The following COL4A3 variants were observed in gnomAD, a reference collection of about 807,000 sequenced individuals.
COL4A3 encodes collagen type IV alpha 3 chain.
COL4A3 carries 135 observed loss-of-function variants against 217.4 expected under a neutral mutation model. That is an observed-to-expected ratio of 0.62 (90% confidence interval 0.54 to 0.72). The LOEUF (loss-of-function observed/expected upper bound fraction) is 0.72, where lower values mean the gene tolerates loss of function less well. COL4A3 is among the 30% of genes least tolerant of loss of function. The pLI, the probability that COL4A3 is intolerant of heterozygous loss-of-function variation, is 0.00. For missense variants in COL4A3, 1,868 were observed against 2,119.9 expected, an observed-to-expected ratio of 0.88 and a Z score of 2.33; for synonymous variants, 690 against 736.3, an observed-to-expected ratio of 0.94 and a Z score of 1.02.
chr2:227,195,973 T>G (rs1454100858), intron 1 of COL4A3, among the ~76,000 whole-genome samples: 2 of 152,008 alleles, frequency 1.3e-5, no homozygotes, highest in African/African-American at 2.4e-5. Flanking sequence ...AAAAAGCTTA[T>G]AGAATAAGGA....
intron 36 of COL4A3, 86 bp downstream of exon 36, chr2:227,290,174 T>C (rs2072598548): frequency 2.3e-6 from 3 of 1,310,954 alleles, no homozygotes; most frequent in African/African-American, 2.9e-5. Context: ...GTTTTGGTTT[T>C]CCACTTGGTA....
chr2:227,199,247 C>T (rs370190764), intron 1 of COL4A3, among the ~76,000 whole-genome samples: 4 of 152,232 alleles, frequency 2.6e-5, no homozygotes, highest in African/African-American at 9.6e-5. Flanking sequence ...GTAATTGCAA[C>T]CTCAGTAGTT....
chr2:227,308,005 T>G, intron 48 of COL4A3, 86 bp downstream of exon 48: 1 of 1,161,408 alleles, frequency 8.6e-7, no homozygotes, highest in Non-Finnish European at 1.3e-6. Flanking sequence ...CCTCTGAAGT[T>G]AAGTGTAAAT....
At chr2:227,177,147 C>CTT (rs200452419) in intron 1 of COL4A3, among the ~76,000 whole-genome samples, 24 of 137,742 alleles carry the variant, frequency 1.7e-4, no homozygotes, top group Non-Finnish European at 2.7e-4. Context: ...TTTTTCTTTC[C>CTT]TTTTTTTTTT....
At chr2:227,216,402 C>T (rs11681999) in intron 1 of COL4A3, among the ~76,000 whole-genome samples, 31,067 of 152,186 alleles carry the variant, frequency 0.2, 4,127 homozygotes, top group Non-Finnish European at 0.3. Context: ...TTCTGCACTT[C>T]ATTTGTAGTT....
intron 1 of COL4A3, among the ~76,000 whole-genome samples, chr2:227,235,795 T>A (rs6747136): frequency 7.2e-5 from 10 of 138,002 alleles, no homozygotes; most frequent in Non-Finnish European, 1.2e-4. Flanking sequence ...TTTTTTTTAA[T>A]GGAGTTTTGC....
At chr2:227,247,528 C>A (rs1278152826) in intron 7 of COL4A3, 30 bp from the exon 8 acceptor site, 1 of 1,612,646 alleles carries the variant, frequency 6.2e-7, no homozygotes, top group Non-Finnish European at 8.5e-7. Context: ...TGATATTCCT[C>A]TAGTTGTTCA....
chr2:227,198,318 G>A (rs115970844), intron 1 of COL4A3, among the ~76,000 whole-genome samples: 7,443 of 152,244 alleles, frequency 0.049, 318 homozygotes, highest in Middle Eastern at 0.065. Flanking sequence ...ATGGCCATCA[G>A]AGTCTGATTA....
At chr2:227,234,366 C>T (rs2068575045) in intron 1 of COL4A3, among the ~76,000 whole-genome samples, 1 of 152,162 alleles carries the variant, frequency 6.6e-6, no homozygotes, top group Non-Finnish European at 1.5e-5. Context: ...AATAATTAGG[C>T]TTGTGTTAAT....
At chr2:227,195,663 A>G (rs1446144985) in intron 1 of COL4A3, among the ~76,000 whole-genome samples, 18 of 79,756 alleles carry the variant, frequency 2.3e-4, no homozygotes, top group South Asian at 9.0e-4. Context: ...ACATATATAT[A>G]TATATGTGTG....
At chr2:227,237,603 A>G (rs893267041) in intron 1 of COL4A3, among the ~76,000 whole-genome samples, 1 of 152,222 alleles carries the variant, frequency 6.6e-6, no homozygotes, top group African/African-American at 2.4e-5. Flanking sequence ...TGATTCAATT[A>G]GATATTATCC....
At chr2:227,166,847 A>G (rs972289082) in intron 1 of COL4A3, among the ~76,000 whole-genome samples, 1 of 152,144 alleles carries the variant, frequency 6.6e-6, no homozygotes, top group Non-Finnish European at 1.5e-5. Context: ...TCACAGAGAA[A>G]CTCTGCTGTT....
intron 34 of COL4A3, among the ~76,000 whole-genome samples, chr2:227,287,800 G>C (rs77868818): frequency 3.3e-5 from 5 of 152,076 alleles, no homozygotes; most frequent in Non-Finnish European, 7.4e-5. Context: ...CTAGTATAGA[G>C]TTTATCTTCC....
intron 3 of COL4A3, among the ~76,000 whole-genome samples, chr2:227,241,400 A>G (rs895778180): frequency 6.6e-6 from 1 of 152,210 alleles, no homozygotes; most frequent in African/African-American, 2.4e-5. Context: ...GAGGCCAGAC[A>G]CAGTGGCTCA....
At chr2:227,218,355 A>G (rs898712349) in intron 1 of COL4A3, among the ~76,000 whole-genome samples, 2 of 152,028 alleles carry the variant, frequency 1.3e-5, no homozygotes, top group African/African-American at 2.4e-5. Context: ...AGTCCCAGCT[A>G]TTCGGGTGGC....
At chr2:227,283,723 A>T (rs2072131682) in intron 32 of COL4A3, 44 bp from the exon 33 acceptor site, 1 of 1,543,654 alleles carries the variant, frequency 6.5e-7, no homozygotes, top group South Asian at 1.1e-5. Flanking sequence ...TGCTTTTCTC[A>T]CTCTGTACAA....
intron 50 of COL4A3, among the ~76,000 whole-genome samples, chr2:227,310,282 C>T (rs927161436): frequency 6.6e-6 from 1 of 152,028 alleles, no homozygotes; most frequent in African/African-American, 2.4e-5. Flanking sequence ...TTTTCTTTGT[C>T]TCTTGAGACA....
At chr2:227,257,671 T>C (rs370882829) in intron 18 of COL4A3, 27 bp downstream of exon 18, 84 of 1,603,900 alleles carry the variant, frequency 5.2e-5, no homozygotes, top group Non-Finnish European at 6.8e-5. Flanking sequence ...ACAATATCAA[T>C]GCTATGTTTG....
intron 1 of COL4A3, among the ~76,000 whole-genome samples, chr2:227,219,957 GT>G (rs2125817461): frequency 6.6e-6 from 1 of 152,150 alleles, no homozygotes; most frequent in South Asian, 2.1e-4. Flanking sequence ...ATCTCGACCT[GT>G]AGGAAGTCCA....
Sources: allele counts gnomAD v4.1 joint callset (sites outside exome capture counted in the v4.1 genomes callset), GRCh38; gene constraint gnomAD v4.1.1; transcripts MANE v1.5; gene names NCBI Gene and HGNC (gene_info 2026-07-23, HGNC 2026-07-21).